The following RYR1 variants were observed in gnomAD, a reference collection of about 807,000 sequenced individuals.
RYR1 encodes central core disease of muscle.
In RYR1, 342 loss-of-function variants were observed where a neutral mutation model predicts 583.5. The observed-to-expected ratio is 0.59, with a 90% CI of 0.54 to 0.64. The LOEUF (loss-of-function observed/expected upper bound fraction) is 0.64, where lower values mean the gene tolerates loss of function less well. Among genes scored for constraint, RYR1 ranks in the 30% least tolerant of loss-of-function variants. RYR1 has a pLI of 0.00. For missense variants in RYR1, 6,032 were observed against 6,917.2 expected (o/e 0.87, Z 4.54); for synonymous variants, 2,791 against 2,822.5 (o/e 0.99, Z 0.35).
chr19:38,579,827 T>G (rs1974118128), intron 99 of RYR1, among the ~76,000 whole-genome samples, 155 bp from the exon 100 acceptor site: 1 of 151,960 alleles, frequency 6.6e-6, no homozygotes, highest in African/African-American at 2.4e-5. Flanking sequence ...CAGGATGCCT[T>G]CTCACCCGGA....
intron 72 of RYR1, 42 bp from the exon 73 acceptor site, chr19:38,527,605 G>C (rs750096623): frequency 6.2e-7 from 1 of 1,612,462 alleles, no homozygotes; most frequent in Non-Finnish European, 8.5e-7. Flanking sequence ...GACACTGTGG[G>C]AAGGGTCCCT....
chr19:38,459,441 A>G, intron 19 of RYR1, 103 bp downstream of exon 19: 1 of 1,119,520 alleles, frequency 8.9e-7, no homozygotes, highest in Non-Finnish European at 1.3e-6. Flanking sequence ...AGGACACTGC[A>G]GCCTACCATC....
intron 83 of RYR1, chr19:38,537,117 C>A: frequency 4.8e-6 from 2 of 416,380 alleles, no homozygotes; most frequent in Non-Finnish European, 4.5e-6. Flanking sequence ...GTGGAGTGAT[C>A]CCCACTCCCA....
intron 25 of RYR1, 123 bp downstream of exon 25, chr19:38,467,935 C>T (rs1159818343): frequency 1.3e-6 from 1 of 796,936 alleles, no homozygotes; most frequent in African/African-American, 1.7e-5. Context: ...CTGTACCACT[C>T]ATCCACCCAT....
In RYR1 at chr19:38,506,946, T is replaced by A. The variant is rs1379269381; in HGVS notation, c.8810T>A (p.Val2937Asp). The change falls in exon 57 of 106, where the codon GTT becomes GAT. Residue 2937 changes from valine to aspartate, a missense_variant. Physicochemically the swap from Val to Asp is radical, Grantham distance 152 (BLOSUM62 -3). Transcript: ENST00000359596. ...TTCCTGCAGATGAATGGCTACGCGG[T>A]TACAAGGCACGCGGGTTGGGGCTCC... is the stretch of plus-strand genomic sequence containing the variant. The part of the protein sequence containing the change: ...LKFLQMNGYA[V>D]TRGLKDMELD... 1 of 1,611,950 alleles carries A rather than the reference T, an allele frequency of 6.2e-7. No homozygotes were observed. Among genetic ancestry groups the A allele is most frequent in the Non-Finnish European group, 8.5e-7 (1 of 1,179,938 alleles).
In RYR1 at chr19:38,523,234, G is replaced by A. The variant is rs773166185; in HGVS notation, c.10365G>A (p.Glu3455=). 3 of 1,614,208 alleles carry A rather than the reference G, an allele frequency of 1.9e-6. No individual in the cohort carries two copies. Among genetic ancestry groups the A allele is most frequent in the South Asian group, 2.2e-5 (2 of 91,090 alleles). The change falls in exon 69 of 106, where the codon GAG becomes GAA. Residue 3455 remains glutamate, a synonymous_variant. Coordinates refer to ENST00000359596, the MANE Select transcript of RYR1 (RefSeq NM_000540.3). ...CCCACCAGAACTTCAAGCGCGAGGA[G>A]CAGAACTTTGTGGTCCAGAATGAGA... ...WSKSHNFKRE[E]QNFVVQNEIN... is the part of the protein sequence containing the mutation.
intron 74 of RYR1, 26 bp downstream of exon 74, chr19:38,528,444 C>A: frequency 6.2e-7 from 1 of 1,609,340 alleles, no homozygotes; most frequent in Non-Finnish European, 8.5e-7. Context: ...ACAAGGGAAG[C>A]GTGAAGGGCT....
chr19:38,494,665 T>G, intron 39 of RYR1, 40 bp downstream of exon 39: 1 of 1,611,934 alleles, frequency 6.2e-7, no homozygotes, highest in Non-Finnish European at 8.5e-7. Context: ...CATATCCCCT[T>G]GGGTAATGAA....
intron 69 of RYR1, 180 bp from the exon 70 acceptor site, chr19:38,523,735 C>A: frequency 2.8e-6 from 2 of 719,992 alleles, no homozygotes; most frequent in Non-Finnish European, 2.5e-6. Context: ...TCAGCACTGC[C>A]CTTCTCAGGT....
At chr19:38,531,656 C>T (rs77173733) in intron 76 of RYR1, among the ~76,000 whole-genome samples, 3,528 of 152,200 alleles carry the variant, frequency 0.023, 94 homozygotes, top group Admixed American at 0.073. Flanking sequence ...GGGCCAGGCG[C>T]GGTGGCTCAC....
At chr19:38,484,172 G>A (rs1012957205) in intron 33 of RYR1, among the ~76,000 whole-genome samples, 3 of 151,952 alleles carry the variant, frequency 2.0e-5, no homozygotes, top group Non-Finnish European at 4.4e-5. Flanking sequence ...TGCACCCATC[G>A]TCCCAGCTAC....
intron 1 of RYR1, among the ~76,000 whole-genome samples, chr19:38,438,178 T>C (rs1972508427): frequency 6.6e-6 from 1 of 151,652 alleles, no homozygotes; most frequent in Non-Finnish European, 1.5e-5. Context: ...TTCTTGTTAT[T>C]TGGACAAGGC....
At chr19:38,452,464 A>G (rs1053208258) in intron 12 of RYR1, among the ~76,000 whole-genome samples, 5 of 151,758 alleles carry the variant, frequency 3.3e-5, no homozygotes, top group African/African-American at 1.2e-4. Flanking sequence ...ATGACCCCTA[A>G]CCTCTAAACT....
chr19:38,467,879 C>T, intron 25 of RYR1, 67 bp downstream of exon 25: 1 of 1,508,252 alleles, frequency 6.6e-7, no homozygotes, highest in Non-Finnish European at 9.1e-7. Context: ...TCTACTCTGG[C>T]CCTGCCTCTG....
chr19:38,486,650 CT>C (rs1969315025), intron 34 of RYR1, among the ~76,000 whole-genome samples: 2 of 152,156 alleles, frequency 1.3e-5, no homozygotes, highest in Admixed American at 6.6e-5. Context: ...CTCCATCCAC[CT>C]TTCTATGTAT....
chr19:38,450,762 CA>C (rs59599725), intron 11 of RYR1, among the ~76,000 whole-genome samples: 136,224 of 151,796 alleles, frequency 0.9, 61,266 homozygotes, highest in East Asian at 0.99. Context: ...CTTTTCTGTA[CA>C]ACGTGGAAAC....
chr19:38,501,367 G>A (rs776361110), intron 47 of RYR1, among the ~76,000 whole-genome samples: 1 of 152,118 alleles, frequency 6.6e-6, no homozygotes, highest in South Asian at 2.1e-4. Context: ...ACGTGGTGGC[G>A]CACACTTGTA....
In RYR1 at chr19:38,459,178, C is replaced by T. The variant is rs768539376; in HGVS notation, c.2200C>T (p.Gln734Ter). The change falls in exon 19 of 106, where the codon CAG becomes TAG. Residue 734 changes from glutamine (Q) to a stop codon, truncating the protein, a stop_gained. Coordinates refer to ENST00000359596, the MANE Select transcript of RYR1 (RefSeq NM_000540.3). LOFTEE classifies it high-confidence loss of function. ...GGCACGCCCAGTGACTTCCCCAGGG[C>T]AGCACCTCCTGGCCCCTGAAGACGT... ...HVARPVTSPGQHLLAPEDVIS... is the reference protein window; with the variant it reads ...HVARPVTSPG The T allele has an allele frequency of 4.3e-6, 7 of 1,613,828 alleles. No individual in the cohort carries two copies. The highest frequency in any genetic ancestry group is 5.9e-6 in the Non-Finnish European group (7 of 1,180,046).
intron 1 of RYR1, among the ~76,000 whole-genome samples, chr19:38,439,701 T>G (rs1485391436): frequency 6.6e-6 from 1 of 151,674 alleles, no homozygotes; most frequent in Non-Finnish European, 1.5e-5. Flanking sequence ...AGAGATGGGG[T>G]TTCACCATGT....
Sources: allele counts gnomAD v4.1 joint callset (sites outside exome capture counted in the v4.1 genomes callset), GRCh38; gene constraint gnomAD v4.1.1; transcripts MANE v1.5; gene names NCBI Gene and HGNC (gene_info 2026-07-23, HGNC 2026-07-21).